The following ANO6 variants were observed in gnomAD, a reference collection of about 807,000 sequenced individuals.
ANO6 encodes the protein anoctamin 6, also known as anoctamin-6.
Under a neutral mutation model 117.5 loss-of-function variants are expected in ANO6, and 106 were observed. The observed-to-expected ratio is 0.90, with a 90% CI of 0.77 to 1.06. The LOEUF (loss-of-function observed/expected upper bound fraction) is 1.06, where lower values mean the gene tolerates loss of function less well. ANO6 is among the 50% of genes least tolerant of loss of function. The probability of loss-of-function intolerance (pLI) is 0.00; values close to 1 mark genes in which losing one functional copy is unlikely to be tolerated. For synonymous variants in ANO6, 367 were observed against 385.1 expected, an observed-to-expected ratio of 0.95 and a Z score of 0.55; for missense variants, 955 against 1,121.1, an observed-to-expected ratio of 0.85 and a Z score of 2.12.
chr12:45,336,726 T>C (rs1299513188), intron 3 of ANO6, among the ~76,000 whole-genome samples: 2 of 152,226 alleles, frequency 1.3e-5, no homozygotes, highest in East Asian at 3.9e-4. Context: ...TTTACTATAC[T>C]ATAATATATT....
At chr12:45,350,814 G>A in intron 7 of ANO6, 40 bp downstream of exon 7, 1 of 1,500,730 alleles carries the variant, frequency 6.7e-7, no homozygotes. Flanking sequence ...GAGGCACTCA[G>A]GGTGTTACCC....
At chr12:45,428,790 A>G (rs1190466432) in intron 19 of ANO6, among the ~76,000 whole-genome samples, 1 of 152,184 alleles carries the variant, frequency 6.6e-6, no homozygotes, top group Admixed American at 6.5e-5. Context: ...ATACAACAGC[A>G]TTGTCAGCAT....
chr12:45,328,643 G>C (rs548365527), intron 2 of ANO6, among the ~76,000 whole-genome samples: 26 of 152,124 alleles, frequency 1.7e-4, no homozygotes, highest in Admixed American at 3.3e-4. Flanking sequence ...TTTACGTAAA[G>C]GCTTTTGCTT....
chr12:45,342,609 A>G (rs1417848353), intron 3 of ANO6, among the ~76,000 whole-genome samples: 1 of 152,176 alleles, frequency 6.6e-6, no homozygotes, highest in African/African-American at 2.4e-5. Flanking sequence ...GGGGGGCTGC[A>G]GTTGCTGCAC....
intron 1 of ANO6, among the ~76,000 whole-genome samples, chr12:45,228,638 G>A (rs1295552116): frequency 1.3e-5 from 2 of 152,120 alleles, no homozygotes; most frequent in Non-Finnish European, 2.9e-5. Context: ...TCTTAGGACT[G>A]GAGACATGGA....
At chr12:45,296,603 A>T (rs996545019) in intron 1 of ANO6, among the ~76,000 whole-genome samples, 1 of 152,142 alleles carries the variant, frequency 6.6e-6, no homozygotes, top group Non-Finnish European at 1.5e-5. Context: ...CTGATTTTTA[A>T]AATTTATATA....
At chr12:45,302,712 A>AT (rs1939535682) in intron 2 of ANO6, among the ~76,000 whole-genome samples, 1 of 152,178 alleles carries the variant, frequency 6.6e-6, no homozygotes, top group Non-Finnish European at 1.5e-5. Context: ...AATTAAGCAC[A>AT]TAGGATGCCT....
chr12:45,355,942 A>C (rs1415772593), intron 7 of ANO6, among the ~76,000 whole-genome samples: 3 of 152,184 alleles, frequency 2.0e-5, no homozygotes, highest in African/African-American at 7.2e-5. Flanking sequence ...TAGGCCTCAG[A>C]GTTAAGTAAA....
intron 12 of ANO6, among the ~76,000 whole-genome samples, chr12:45,399,588 A>G (rs1214955558): frequency 2.0e-5 from 3 of 151,946 alleles, no homozygotes; most frequent in Non-Finnish European, 4.4e-5. Context: ...AGTGGCTGTT[A>G]CTGAGTTATG....
intron 8 of ANO6, among the ~76,000 whole-genome samples, chr12:45,359,603 A>G (rs1941501801): frequency 6.6e-6 from 1 of 151,266 alleles, no homozygotes; most frequent in Non-Finnish European, 1.5e-5. Flanking sequence ...AGGTTCATCC[A>G]TGTTGTAGCA....
At chr12:45,336,437 G>T (rs1197116758) in intron 3 of ANO6, among the ~76,000 whole-genome samples, 1 of 150,174 alleles carries the variant, frequency 6.7e-6, no homozygotes, top group East Asian at 1.9e-4. Flanking sequence ...ATTTATGTAT[G>T]GTCATAAGTT....
intron 1 of ANO6, among the ~76,000 whole-genome samples, chr12:45,250,433 C>A (rs1027082279): frequency 6.6e-6 from 1 of 152,106 alleles, no homozygotes; most frequent in Non-Finnish European, 1.5e-5. Context: ...AGCTCTGTCA[C>A]CCAGGCTGGA....
intron 3 of ANO6, among the ~76,000 whole-genome samples, chr12:45,336,531 C>G (rs1940829446): frequency 6.6e-6 from 1 of 151,886 alleles, no homozygotes; most frequent in African/African-American, 2.4e-5. Context: ...ATTCCTGTTG[C>G]CTAGTGACAT....
At chr12:45,400,191 G>GC (rs774022305) in intron 12 of ANO6, among the ~76,000 whole-genome samples, 2 of 152,194 alleles carry the variant, frequency 1.3e-5, no homozygotes, top group South Asian at 4.1e-4. Context: ...TTCCTCACAA[G>GC]CCTGTTATGA....
rs1042442457 is a variant in ANO6, at chr12:45,216,119, C to A, written c.-203C>A. ...CAGTCTCCGGGCTCCGCTCGGCAGG[C>A]GAGAGGCGTCCTCCGGCTCTGGGCT... On this transcript the variant is annotated 5_prime_UTR_variant, in exon 1 of 20. Coordinates refer to ENST00000320560, the MANE Select transcript of ANO6 (RefSeq NM_001025356.3). The A allele has an allele frequency of 3.4e-6, 2 of 588,694 alleles. No homozygotes were observed. The highest frequency in any genetic ancestry group is 3.0e-5 in the East Asian group (1 of 33,342). The allele number at this position is 588,694 out of a possible 1,614,324, so 36.5% of individuals were successfully genotyped here.
intron 1 of ANO6, among the ~76,000 whole-genome samples, chr12:45,226,917 G>C (rs1433312750): frequency 1.3e-5 from 2 of 149,540 alleles, no homozygotes; most frequent in African/African-American, 4.9e-5. Context: ...AACAAGCTGT[G>C]AATGCCTAAA....
intron 8 of ANO6, among the ~76,000 whole-genome samples, chr12:45,364,722 G>A (rs988252404): frequency 6.6e-6 from 1 of 152,048 alleles, no homozygotes; most frequent in Non-Finnish European, 1.5e-5. Flanking sequence ...CTCCAAATAT[G>A]TATAACTGCT....
In ANO6 at chr12:45,216,251, G is replaced by A. The variant is rs1337631049; in HGVS notation, c.-71G>A. On this transcript the variant is annotated 5_prime_UTR_variant, in exon 1 of 20. Coordinates refer to ENST00000320560, the MANE Select transcript of ANO6 (RefSeq NM_001025356.3). ...GCGGTCCCCGATCCGGCCCCTGGGA[G>A]AGCCGCGCCGTTCTGGAACCCGGGA... is the stretch of plus-strand genomic sequence containing the variant. 1.3e-6 allele frequency: 2 copies of A among 1,527,270 alleles called. No homozygotes were observed. Among genetic ancestry groups the A allele is most frequent in the African/African-American group, 2.8e-5 (2 of 72,522 alleles). 94.6% of individuals were successfully genotyped at this position (1,527,270 alleles called of 1,614,324 possible).
chr12:45,256,421 C>T (rs1937830001), intron 1 of ANO6: 1 of 152,074 alleles, frequency 6.6e-6, no homozygotes, highest in African/African-American at 2.4e-5. Context: ...TAGTGTTTTC[C>T]ATTTATTTGA....
Sources: allele counts gnomAD v4.1 joint callset (sites outside exome capture counted in the v4.1 genomes callset), GRCh38; gene constraint gnomAD v4.1.1; transcripts MANE v1.5; gene names NCBI Gene and HGNC (gene_info 2026-07-23, HGNC 2026-07-21).